LYZL2: variants seen among roughly 807,000 people sequenced by gnomAD.
LYZL2 encodes the protein lysozyme-like protein 2.
LYZL2 carries 13 observed loss-of-function variants against 17.1 expected under a neutral mutation model. The observed-to-expected ratio is 0.76, with a 90% CI of 0.49 to 1.21. The LOEUF is 1.21. LYZL2 is among the 50% of genes most tolerant of loss of function. The probability of loss-of-function intolerance (pLI) is 0.00; values close to 1 mark genes in which losing one functional copy is unlikely to be tolerated. For missense variants in LYZL2, 166 were observed against 189.2 expected (o/e 0.88, Z 0.72); for synonymous variants, 63 against 74.4 (o/e 0.85, Z 0.79).
intron 3 of LYZL2, among the ~76,000 whole-genome samples, chr10:30,618,119 G>A (rs1838563305): frequency 6.6e-6 from 1 of 151,344 alleles, no homozygotes; most frequent in Non-Finnish European, 1.5e-5. Context: ...AACTTACAAG[G>A]GACGTGAAGG....
chr10:30,628,386 G>A (rs111558342), intron 1 of LYZL2, among the ~76,000 whole-genome samples: 54 of 152,286 alleles, frequency 3.5e-4, no homozygotes, highest in African/African-American at 1.2e-3. Flanking sequence ...AGGGATGGAG[G>A]ACAAAGCCTC....
downstream of LYZL2, among the ~76,000 whole-genome samples, chr10:30,611,580 AAAG>A (rs1343440773): frequency 4.9e-5 from 6 of 121,628 alleles, no homozygotes; most frequent in African/African-American, 1.8e-4. Flanking sequence ...GGAAAGAAAG[AAAG>A]AAAGAAAGAA....
intron 3 of LYZL2, among the ~76,000 whole-genome samples, chr10:30,615,897 G>A (rs1352746296): frequency 7.6e-6 from 1 of 131,744 alleles, no homozygotes; most frequent in Non-Finnish European, 1.7e-5. Context: ...GAAAAAAAAA[G>A]ATAGTCATTA....
chr10:30,626,565 T>C, intron 2 of LYZL2, among the ~76,000 whole-genome samples: 1 of 151,878 alleles, frequency 6.6e-6, no homozygotes, highest in Non-Finnish European at 1.5e-5. Flanking sequence ...GCTAGTGTCA[T>C]AAGGACAGGA....
chr10:30,616,974 T>C (rs1838537757), intron 3 of LYZL2, among the ~76,000 whole-genome samples: 1 of 152,140 alleles, frequency 6.6e-6, no homozygotes, highest in South Asian at 2.1e-4. Context: ...GTACCTGATA[T>C]ATGTTCAAAT....
At chr10:30,622,620 G>A (rs190247900) in intron 3 of LYZL2, among the ~76,000 whole-genome samples, 13 of 151,906 alleles carry the variant, frequency 8.6e-5, no homozygotes, top group Admixed American at 5.2e-4. Flanking sequence ...AAATGCAAAC[G>A]GCCTAATCAT....
chr10:30,629,598 A>G lies in LYZL2; in HGVS notation c.-31T>C, dbSNP rs766780228. The G allele has an allele frequency of 2.5e-6, 4 of 1,614,070 alleles. No individual in the cohort carries two copies. The Admixed American group carries it at 5.0e-5, about 20-fold the overall frequency. On this transcript the variant is annotated 5_prime_UTR_variant, in exon 1 of 5. Transcript: ENST00000647634. ...AAGAGTAATTTAGGTCTTACTGAAA[A>G]GGCAGATTCCTGGTGCCTGCCGCAG...
chr10:30,606,909 G>C (rs1838382879), downstream of LYZL2, among the ~76,000 whole-genome samples: 1 of 84,204 alleles, frequency 1.2e-5, no homozygotes, highest in Non-Finnish European at 2.5e-5. Context: ...TCATACTTTT[G>C]GTCTTTTTTT....
At chr10:30,616,856 G>A (rs1215555195) in intron 3 of LYZL2, among the ~76,000 whole-genome samples, 3 of 151,886 alleles carry the variant, frequency 2.0e-5, no homozygotes, top group Non-Finnish European at 4.4e-5. Flanking sequence ...TAATAAAGTT[G>A]ATAATGAAAA....
chr10:30,621,256 C>T (rs1300353100), intron 3 of LYZL2, among the ~76,000 whole-genome samples: 1 of 152,100 alleles, frequency 6.6e-6, no homozygotes, highest in African/African-American at 2.4e-5. Flanking sequence ...CCATCATACA[C>T]AAGGCAAGCC....
At chr10:30,624,984 C>T (rs898393315) in intron 3 of LYZL2, among the ~76,000 whole-genome samples, 4 of 152,122 alleles carry the variant, frequency 2.6e-5, no homozygotes, top group African/African-American at 9.7e-5. Flanking sequence ...TGTGAGTGGT[C>T]CCTAGAAGCC....
At chr10:30,619,134 C>G (rs1838580263) in intron 3 of LYZL2, among the ~76,000 whole-genome samples, 2 of 152,230 alleles carry the variant, frequency 1.3e-5, no homozygotes, top group Non-Finnish European at 2.9e-5. Context: ...GAGATACCAT[C>G]TCACATCAGT....
chr10:30,623,013 C>T (rs1838648815), intron 3 of LYZL2, among the ~76,000 whole-genome samples: 3 of 152,132 alleles, frequency 2.0e-5, no homozygotes, highest in African/African-American at 7.2e-5. Context: ...ATACTGCTAT[C>T]AAACAAAGTA....
At chr10:30,612,107 C>A in intron 4 of LYZL2, 83 bp from the exon 5 acceptor site, 1 of 1,512,464 alleles carries the variant, frequency 6.6e-7, no homozygotes, top group South Asian at 1.2e-5. Flanking sequence ...CAGAAATTAA[C>A]CAAAATCGCC....
At chr10:30,622,542 C>G (rs1188443751) in intron 3 of LYZL2, among the ~76,000 whole-genome samples, 4 of 148,338 alleles carry the variant, frequency 2.7e-5, no homozygotes, top group Non-Finnish European at 4.5e-5. Context: ...GAGCAAAGCT[C>G]CAACTCAACA....
intron 2 of LYZL2, among the ~76,000 whole-genome samples, 171 bp from the exon 3 acceptor site, chr10:30,626,434 G>A (rs551060256): frequency 6.6e-6 from 1 of 152,238 alleles, no homozygotes; most frequent in Non-Finnish European, 1.5e-5. Flanking sequence ...CACATCAGGG[G>A]CTGGGATGGC....
intron 3 of LYZL2, among the ~76,000 whole-genome samples, chr10:30,624,744 C>A (rs528170028): frequency 6.6e-6 from 1 of 152,178 alleles, no homozygotes; most frequent in Non-Finnish European, 1.5e-5. Context: ...TATGGGGTCT[C>A]GCCCAGGCTG....
chr10:30,629,334 T>C (rs1231043172), intron 1 of LYZL2, among the ~76,000 whole-genome samples: 1 of 151,532 alleles, frequency 6.6e-6, no homozygotes, highest in Non-Finnish European at 1.5e-5. Flanking sequence ...GTTGAGGCTG[T>C]TGTGAGTTGT....
chr10:30,623,916 TTC>T (rs1838662654), intron 3 of LYZL2, among the ~76,000 whole-genome samples: 1 of 152,282 alleles, frequency 6.6e-6, no homozygotes, highest in Admixed American at 6.5e-5. Context: ...ACAGACCATA[TTC>T]TCTTACTGTA....
Sources: gnomAD v4.1 joint callset for allele counts (sites outside exome capture counted in the v4.1 genomes callset) on GRCh38, gnomAD v4.1.1 for gene constraint, MANE v1.5 for transcripts, NCBI Gene and HGNC (gene_info 2026-07-23, HGNC 2026-07-21) for gene names.